Variants in EVC observed in about 807,000 individuals in gnomAD.
EVC encodes the protein EvC ciliary complex subunit 1, also known as evC complex member EVC.
A neutral mutation model predicts 118.9 loss-of-function variants in EVC; 116 were observed. The observed-to-expected ratio is 0.98, with a 90% confidence interval of 0.84 to 1.14. The LOEUF is 1.14. Among genes scored for constraint, EVC ranks in the 50% most tolerant of loss-of-function variants. The pLI is 0.00. For missense variants in EVC, 1,401 were observed against 1,246.4 expected (o/e 1.12, Z -1.87); for synonymous variants, 619 against 534.7 (o/e 1.16, Z -2.18).
At chr4:5,752,030 G>A (rs1730450503) in intron 8 of EVC, among the ~76,000 whole-genome samples, 1 of 152,218 alleles carries the variant, frequency 6.6e-6, no homozygotes, top group South Asian at 2.1e-4. Flanking sequence ...GCTGTTCTGT[G>A]AGGTGGGGTT....
In EVC at chr4:5,738,901, A is replaced by G. The variant is rs1372997105; in HGVS notation, c.703-2815A>G. Among the ~76,000 whole-genome samples the G allele has an allele frequency of 6.6e-6, 1 of 152,130 alleles. No individual in the cohort carries two copies. Among genetic ancestry groups the G allele is most frequent in the Non-Finnish European group, 1.5e-5 (1 of 68,026 alleles). ...TTTTTAATAATCATCTTAGGCTCAG[A>G]TGATCATTAGCATTTTTTAGGAAGA... On this transcript the variant is annotated intron_variant, in intron 5 of 20. Transcript: ENST00000264956. This position sits in a 1 kb window ranked among gnomAD's most constrained non-coding sequence, Gnocchi z 6.5.
chr4:5,783,785 AG>A, intron 12 of EVC, 21 bp downstream of exon 12: 2 of 1,588,668 alleles, frequency 1.3e-6, no homozygotes, highest in African/African-American at 2.7e-5. Context: ...TTGGGAACCC[AG>A]GGGCTGGGGT....
chr4:5,820,376 GC>G, the EVC span, among the ~76,000 whole-genome samples: 2 of 152,050 alleles, frequency 1.3e-5, no homozygotes, highest in African/African-American at 2.4e-5. Context: ...AAGCAACTTT[GC>G]CTGCTGTTTT....
chr4:5,740,140 A>T (rs68183290), intron 5 of EVC, among the ~76,000 whole-genome samples: 25,701 of 152,088 alleles, frequency 0.17, 2,544 homozygotes, highest in Non-Finnish European at 0.22. Context: ...AAAAGGGATC[A>T]CATACTTAAA....
chr4:5,777,395 C>G (rs997243991), intron 11 of EVC, among the ~76,000 whole-genome samples: 1 of 152,080 alleles, frequency 6.6e-6, no homozygotes, highest in African/African-American at 2.4e-5. Flanking sequence ...GGCCCCCACC[C>G]GTAATGAACA....
chr4:5,825,868 CACATCT>C, the EVC span: 5 of 562,112 alleles, frequency 8.9e-6, no homozygotes, highest in African/African-American at 3.9e-5. The surrounding 1 kb of genome is among the most constrained non-coding windows in gnomAD (Gnocchi z 4.4). Flanking sequence ...TGCATACACA[CACATCT>C]ACATACCCAC....
chr4:5,712,574 A>T (rs1444035033), intron 1 of EVC, among the ~76,000 whole-genome samples: 1 of 152,172 alleles, frequency 6.6e-6, no homozygotes, highest in African/African-American at 2.4e-5. Context: ...CAGAAACAAG[A>T]TGGCGTGGTC....
At chr4:5,783,895 C>T (rs1222699039) in intron 12 of EVC, 131 bp downstream of exon 12, 1 of 853,442 alleles carries the variant, frequency 1.2e-6, no homozygotes, top group Non-Finnish European at 1.9e-6. Flanking sequence ...CTGTTGCCTC[C>T]CTTTCACAAT....
At chr4:5,722,263 T>C (rs969974029) in intron 2 of EVC, among the ~76,000 whole-genome samples, 1 of 152,214 alleles carries the variant, frequency 6.6e-6, no homozygotes, top group Non-Finnish European at 1.5e-5. Flanking sequence ...CAGGGGGACC[T>C]AAATATTTCT....
chr4:5,717,479 G>A lies in EVC; in HGVS notation c.175-1769G>A, dbSNP rs569807790. Among the ~76,000 whole-genome samples, 8 of 152,268 alleles carry A rather than the reference G, an allele frequency of 5.3e-5. No individual in the cohort carries two copies. The Middle Eastern group carries it at 0.01, about 194-fold the overall frequency. On this transcript the variant is annotated intron_variant, in intron 1 of 20. Transcript: ENST00000264956. ...TTCAAGTGATGCTGATGCTCCCTCT[G>A]TGGGATATATATATTTTTTCCTCAA... is the stretch of plus-strand genomic sequence containing the variant.
chr4:5,821,994 C>T, the EVC span: 3 of 657,838 alleles, frequency 4.6e-6, no homozygotes, highest in Non-Finnish European at 7.4e-6. This position sits in a 1 kb window ranked among gnomAD's most constrained non-coding sequence, Gnocchi z 4.4. Context: ...TGGGAAGCCT[C>T]CCTGGCCTCC....
chr4:5,783,892 C>T lies in EVC; in HGVS notation c.1776+128C>T, dbSNP rs559017602. 9.4e-5 allele frequency: 82 copies of T among 870,198 alleles called. No individual in the cohort carries two copies. In the African/African-American group the frequency reaches 1.2e-3, roughly 13 times the overall value. The allele number at this position is 870,198 out of a possible 1,614,324, so 53.9% of individuals were successfully genotyped here. A position where few individuals can be genotyped will look rare whatever the true frequency, so the allele number is the denominator to read the frequency against. On this transcript the variant is annotated intron_variant, in intron 12 of 20. Transcript: ENST00000264956. ...GGTGCTCTACGGAGATGACTGTTGC[C>T]TCCCTTTCACAATGGCCCACCACAG...
rs1714309937 is a variant in EVC at position 5,798,086 on chromosome 4, A to G, written c.2098-500A>G. 6.6e-6 allele frequency among the ~76,000 whole-genome samples: 1 copy of G among 152,144 alleles called. No individual in the cohort carries two copies. Among genetic ancestry groups the G allele is most frequent in the Admixed American group, 6.5e-5 (1 of 15,286 alleles). The stretch of plus-strand genomic sequence containing the variant: ...GAGCTCCGAGGAGCAGGCAGGACTC[A>G]CGGACCTCGCTACAGCCCCGCTCAC... On this transcript the variant is annotated intron_variant, in intron 14 of 20. Transcript: ENST00000264956. This position sits in a 1 kb window ranked among gnomAD's most constrained non-coding sequence, Gnocchi z 4.1.
Position 5,789,927 on chromosome 4 carries a change from T to C in EVC, c.1777-3681T>C, listed in dbSNP as rs1479481905. Among the ~76,000 whole-genome samples the C allele has an allele frequency of 6.6e-6, 1 of 152,100 alleles. No individual in the cohort carries two copies. Among genetic ancestry groups the C allele is most frequent in the African/African-American group, 2.4e-5 (1 of 41,428 alleles). On this transcript the variant is annotated intron_variant, in intron 12 of 20. Coordinates refer to ENST00000264956, the MANE Select transcript of EVC (RefSeq NM_153717.3). The surrounding 1 kb of genome is among the most constrained non-coding windows in gnomAD (Gnocchi z 4.3). ...CAAGCATGGTGGATCACGCCTGTAA[T>C]CCCAGCACCTTGGGAGGCCAAGGCA...
At chr4:5,814,873 C>G (rs892555133), downstream of EVC, among the ~76,000 whole-genome samples, 3 of 152,194 alleles carry the variant, frequency 2.0e-5, no homozygotes, top group Admixed American at 2.0e-4. Context: ...ACATCAGGGC[C>G]CCCCTTAGAT....
chr4:5,810,240 C>A, intron 19 of EVC, 99 bp from the exon 20 acceptor site: 2 of 914,030 alleles, frequency 2.2e-6, no homozygotes, highest in Non-Finnish European at 3.5e-6. Flanking sequence ...GCCCACACAA[C>A]ATGCTCAAAA....
At chr4:5,773,272 G>T (rs1043194867) in intron 11 of EVC, among the ~76,000 whole-genome samples, 2 of 152,152 alleles carry the variant, frequency 1.3e-5, no homozygotes, top group African/African-American at 4.8e-5. Context: ...AAACCCAGGG[G>T]CTGAAAACAA....
chr4:5,818,640 G>C (rs1203436077), downstream of EVC, among the ~76,000 whole-genome samples: 6 of 152,134 alleles, frequency 3.9e-5, no homozygotes, highest in Non-Finnish European at 5.9e-5. Flanking sequence ...TATAAGCAGA[G>C]GAAGCGAGAC....
intron 2 of EVC, among the ~76,000 whole-genome samples, chr4:5,720,281 A>T (rs1161081676): frequency 6.6e-6 from 1 of 152,110 alleles, no homozygotes; most frequent in African/African-American, 2.4e-5. Flanking sequence ...CACTCACGTG[A>T]ATGATCTCGT....
Sources: gnomAD v4.1 joint callset for allele counts (sites outside exome capture counted in the v4.1 genomes callset) on GRCh38, gnomAD v4.1.1 for gene constraint, Gnocchi (gnomAD v3.1) non-coding constraint, MANE v1.5 for transcripts, NCBI Gene and HGNC (gene_info 2026-07-23, HGNC 2026-07-21) for gene names.